The following TUSC3 variants were observed in gnomAD, a reference collection of about 807,000 sequenced individuals.
TUSC3 encodes tumor suppressor candidate 3, also known as dolichyl-diphosphooligosaccharide--protein glycosyltransferase subunit TUSC3.
TUSC3 carries 45 observed loss-of-function variants against 44.8 expected under a neutral mutation model. That is an observed-to-expected ratio of 1.00 (90% CI 0.79 to 1.29). TUSC3 has a LOEUF of 1.29. Among genes scored for constraint, TUSC3 ranks in the 50% most tolerant of loss-of-function variants. The pLI, the probability that TUSC3 is intolerant of heterozygous loss-of-function variation, is 0.00. For synonymous variants in TUSC3, 212 were observed against 152.9 expected (o/e 1.39, Z -2.85); for missense variants, 519 against 437.9 (o/e 1.19, Z -1.65).
At chr8:15,748,593 T>G in intron 9 of TUSC3, 128 bp downstream of exon 9, 1 of 871,912 alleles carries the variant, frequency 1.1e-6, no homozygotes, top group Non-Finnish European at 1.9e-6. Context: ...TTAAGCAAGT[T>G]TTTGAGCACC....
Position 15,751,216 on chromosome 8 carries a change from T to C in TUSC3, c.1028+2751T>C, listed in dbSNP as rs73665498. 5.8e-3 allele frequency among the ~76,000 whole-genome samples: 876 copies of C among 152,244 alleles called. 11 individuals are homozygous for C. The highest frequency in any genetic ancestry group is 0.02 in the African/African-American group (846 of 41,548). ...GGTATTTTAGGTAATGGGAGGTTTA[T>C]TGGAGAGAGATATGGAGAAGCAAGG... On this transcript the variant is annotated intron_variant, in intron 9 of 10. Transcript: ENST00000503731.
chr8:15,848,943 A>T, the TUSC3 span, among the ~76,000 whole-genome samples: 2 of 152,186 alleles, frequency 1.3e-5, no homozygotes, highest in African/African-American at 4.8e-5. Flanking sequence ...TACAAGTATT[A>T]CTTCTTTACC....
the TUSC3 span, among the ~76,000 whole-genome samples, chr8:15,846,016 G>C: frequency 6.6e-6 from 1 of 152,090 alleles, no homozygotes; most frequent in African/African-American, 2.4e-5. Context: ...AGCAAAAGCG[G>C]AAATCTCAGA....
At chr8:15,778,945 CA>C in the TUSC3 span, among the ~76,000 whole-genome samples, 2 of 152,030 alleles carry the variant, frequency 1.3e-5, no homozygotes, top group Admixed American at 6.6e-5. Flanking sequence ...ACATGAAACC[CA>C]AAAGGCTATT....
chr8:15,597,285 C>G (rs1434015574), intron 1 of TUSC3, among the ~76,000 whole-genome samples: 1 of 152,068 alleles, frequency 6.6e-6, no homozygotes, highest in East Asian at 1.9e-4. Context: ...GCCCTTAGAT[C>G]TTAAGAGATC....
chr8:15,499,934 T>C (rs1800936221), intron 2 of TUSC3, among the ~76,000 whole-genome samples: 1 of 152,206 alleles, frequency 6.6e-6, no homozygotes, highest in African/African-American at 2.4e-5. Context: ...CCCAGATGAA[T>C]ACACTTGGCA....
chr8:15,802,795 C>A, the TUSC3 span, among the ~76,000 whole-genome samples: 7 of 151,490 alleles, frequency 4.6e-5, no homozygotes, highest in East Asian at 1.4e-3. Context: ...TTCTCAAAAG[C>A]AAAGCCATTT....
intron 2 of TUSC3, among the ~76,000 whole-genome samples, chr8:15,526,051 G>C (rs374143184): frequency 6.7e-6 from 1 of 149,368 alleles, no homozygotes; most frequent in African/African-American, 2.5e-5. Context: ...TTTTTTTTTT[G>C]AGACAGGGTC....
chr8:15,830,526 A>G, the TUSC3 span, among the ~76,000 whole-genome samples: 8 of 152,160 alleles, frequency 5.3e-5, no homozygotes, highest in African/African-American at 1.9e-4. Flanking sequence ...TTATCGATGG[A>G]TGACTGCATT....
chr8:15,525,738 A>G (rs980494624), intron 2 of TUSC3, among the ~76,000 whole-genome samples: 1 of 152,130 alleles, frequency 6.6e-6, no homozygotes, highest in Admixed American at 6.6e-5. Context: ...GTCTCCAGTG[A>G]TAAAGGGGAT....
chr8:15,830,707 A>G, the TUSC3 span, among the ~76,000 whole-genome samples: 2 of 152,164 alleles, frequency 1.3e-5, no homozygotes, highest in African/African-American at 2.4e-5. Context: ...GAGCTCAATA[A>G]TGGGTACACA....
At chr8:15,578,027 C>T (rs1803183520) in intron 1 of TUSC3, among the ~76,000 whole-genome samples, 1 of 150,176 alleles carries the variant, frequency 6.7e-6, no homozygotes, top group East Asian at 2.0e-4. Context: ...AGAGGTCCTT[C>T]ACATCCCTTG....
At chr8:15,769,488 C>T (rs911037274), downstream of TUSC3, among the ~76,000 whole-genome samples, 34 of 152,066 alleles carry the variant, frequency 2.2e-4, no homozygotes, top group African/African-American at 7.2e-4. Context: ...AGAAGAAAAC[C>T]TAGGCAATAC....
In TUSC3 at chr8:15,463,001, C is replaced by T. The variant is rs542086395; in HGVS notation, n.92-20385C>T. On this transcript the variant is annotated intron_variant and non_coding_transcript_variant, in intron 1 of 5. Transcript: ENST00000503191. Reference sequence around the variant, plus strand: ...AATGGCTTCAATTCTTTATTTTGTTCTCTTCTCTTTATTTTCTGTTTCTCC... The same window carrying T: ...AATGGCTTCAATTCTTTATTTTGTTTTCTTCTCTTTATTTTCTGTTTCTCC... Among the ~76,000 whole-genome samples the T allele has an allele frequency of 1.5e-4, 22 of 151,622 alleles. 1 individual carries two copies. Among genetic ancestry groups the T allele is most frequent in the African/African-American group, 5.1e-4 (21 of 41,192 alleles).
At chr8:15,687,088 CA>C (rs1336454624) in intron 6 of TUSC3, among the ~76,000 whole-genome samples, 1 of 151,860 alleles carries the variant, frequency 6.6e-6, no homozygotes, top group Non-Finnish European at 1.5e-5. Flanking sequence ...AAACAAAAAA[CA>C]AAAAAATGGT....
At chr8:15,792,942 A>T in the TUSC3 span, among the ~76,000 whole-genome samples, 1 of 151,722 alleles carries the variant, frequency 6.6e-6, no homozygotes. Context: ...GCAAAGCCCC[A>T]ATATCTCCTT....
the TUSC3 span, among the ~76,000 whole-genome samples, chr8:15,783,667 G>A: frequency 1.3e-5 from 2 of 152,106 alleles, no homozygotes; most frequent in African/African-American, 4.8e-5. Context: ...AAACTATAGA[G>A]GAATGAATTT....
At chr8:15,707,646 C>G (rs551162483) in intron 6 of TUSC3, among the ~76,000 whole-genome samples, 24 of 152,010 alleles carry the variant, frequency 1.6e-4, no homozygotes, top group African/African-American at 5.5e-4. Flanking sequence ...AGCTTATTGC[C>G]TAGATGACTC....
At chr8:15,834,839 G>C in the TUSC3 span, among the ~76,000 whole-genome samples, 1 of 152,082 alleles carries the variant, frequency 6.6e-6, no homozygotes, top group African/African-American at 2.4e-5. Flanking sequence ...TTTACAGTAA[G>C]GTTTATTTAT....
Sources: allele counts gnomAD v4.1 joint callset (sites outside exome capture counted in the v4.1 genomes callset), GRCh38; gene constraint gnomAD v4.1.1; transcripts MANE v1.5; gene names NCBI Gene and HGNC (gene_info 2026-07-23, HGNC 2026-07-21).